Variants in NAIF1 observed in about 807,000 individuals in gnomAD.
NAIF1 encodes the protein nuclear apoptosis inducing factor 1.
In NAIF1, 14 loss-of-function variants were observed where a neutral mutation model predicts 20.7. That is an observed-to-expected ratio of 0.67 (90% CI 0.45 to 1.05). The LOEUF is 1.05. Ranked by LOEUF, NAIF1 falls within the 50% of genes least tolerant of loss-of-function variation. The pLI, the probability that NAIF1 is intolerant of heterozygous loss-of-function variation, is 0.00. For missense variants in NAIF1, 362 were observed against 448.8 expected (o/e 0.81, Z 1.75); for synonymous variants, 191 against 191.4 (o/e 1.00, Z 0.02).
Position 128,063,596 on chromosome 9 carries a change from G to A in NAIF1, c.816C>T (p.Ala272=). ...CAGCCTGTGTGCCCTCCATGGCCTG[G>A]GCCTGGCGCTCCTGGGCACAGGCCT... ...EVQACAQERQ[A]QAMEGTQAAL... The change falls in exon 2 of 2, where the codon GCC becomes GCT. Residue 272 remains alanine, a synonymous_variant. Transcript: ENST00000373078. The surrounding 1 kb of genome is among the most constrained non-coding windows in gnomAD (Gnocchi z 4.3). 6.2e-7 allele frequency: 1 copy of A among 1,613,138 alleles called. No individual in the cohort carries two copies. Among genetic ancestry groups the A allele is most frequent in the Non-Finnish European group, 8.5e-7 (1 of 1,180,040 alleles).
Position 128,063,678 on chromosome 9 carries a change from T to A in NAIF1, c.734A>T (p.Gln245Leu), listed in dbSNP as rs1564171892. 1 of 1,614,244 alleles carries A rather than the reference T, an allele frequency of 6.2e-7. No individual in the cohort carries two copies. Among genetic ancestry groups the A allele is most frequent in the Admixed American group, 1.7e-5 (1 of 60,030 alleles). The change falls in exon 2 of 2, where the codon CAG becomes CTG. Residue 245 changes from glutamine to leucine, a missense_variant. Coordinates refer to ENST00000373078, the MANE Select transcript of NAIF1 (RefSeq NM_197956.4). This position sits in a 1 kb window ranked among gnomAD's most constrained non-coding sequence, Gnocchi z 4.3. Reference protein sequence around the residue: ...VTNLHVKEIAQHLEQQNDLLQ... With the variant: ...VTNLHVKEIALHLEQQNDLLQ... ...TAGGTCGTTCTGCTGTTCCAGGTGC[T>A]GTGCGATCTCCTTCACATGCAGGTT...
At position 128,063,241 on chromosome 9, in the gene NAIF1, G is replaced by A; in HGVS notation, c.*187C>T. 1 of 607,476 alleles carries A rather than the reference G, an allele frequency of 1.6e-6. No individual in the cohort carries two copies. The highest frequency in any genetic ancestry group is 2.9e-6 in the Non-Finnish European group (1 of 345,492). The allele number at this position is 607,476 out of a possible 1,614,324, so 37.6% of individuals were successfully genotyped here. A position where few individuals can be genotyped will look rare whatever the true frequency, so the allele number is the denominator to read the frequency against. ...CTTAGCAAGGCAGCTCAAGTAGGGG[G>A]AGTATGAGTTTGGGTCCCAGGAGCC... On this transcript the variant is annotated 3_prime_UTR_variant, in exon 2 of 2. Coordinates refer to ENST00000373078, the MANE Select transcript of NAIF1 (RefSeq NM_197956.4). The surrounding 1 kb of genome is among the most constrained non-coding windows in gnomAD (Gnocchi z 4.3).
rs904708530 is a variant in NAIF1, at chr9:128,063,307, G to A, written c.*121C>T. On this transcript the variant is annotated 3_prime_UTR_variant, in exon 2 of 2. Transcript: ENST00000373078. This position sits in a 1 kb window ranked among gnomAD's most constrained non-coding sequence, Gnocchi z 4.3. ...CTCAAAAACAGTGCAACCCCTAAGC[G>A]TTTATTAAAGAGGGAGCTGTGCACG... 3.9e-5 allele frequency: 35 copies of A among 892,382 alleles called. No homozygotes were observed. The highest frequency in any genetic ancestry group is 6.6e-5 in the South Asian group (4 of 61,034). 55.3% of individuals were successfully genotyped at this position (892,382 alleles called of 1,614,324 possible).
At position 128,067,148 on chromosome 9, in the gene NAIF1, C is replaced by G. The variant is rs780016951; in HGVS notation, c.-47G>C. 1 of 1,531,948 alleles carries G rather than the reference C, an allele frequency of 6.5e-7. No individual in the cohort carries two copies. Among genetic ancestry groups the G allele is most frequent in the Non-Finnish European group, 8.8e-7 (1 of 1,139,100 alleles). 94.9% of individuals were successfully genotyped at this position (1,531,948 alleles called of 1,614,324 possible). Reference sequence around the variant, plus strand: ...TTAAAGAAATTATAATCCCCTCAAGCGCCCCAATTCCCCTTCTCTTCTTCC... The same window carrying G: ...TTAAAGAAATTATAATCCCCTCAAGGGCCCCAATTCCCCTTCTCTTCTTCC... On this transcript the variant is annotated 5_prime_UTR_variant, in exon 1 of 2. Coordinates refer to ENST00000373078, the MANE Select transcript of NAIF1 (RefSeq NM_197956.4).
Position 128,061,368 on chromosome 9 carries a change from A to G in NAIF1, c.*2060T>C, listed in dbSNP as rs2130770406. On this transcript the variant is annotated 3_prime_UTR_variant, in exon 2 of 2. Transcript: ENST00000373078. The stretch of plus-strand genomic sequence containing the variant: ...TTGGCTCAGATTTCCAACCCCAGAA[A>G]AAAACCAAACCAAGTCCTCAGGAAG... 1 of 152,342 alleles carries G rather than the reference A, an allele frequency of 6.6e-6. No individual in the cohort carries two copies. The allele number at this position is 152,342 out of a possible 1,614,324, so 9.4% of individuals were successfully genotyped here.
intron 1 of NAIF1, among the ~76,000 whole-genome samples, chr9:128,064,317 C>T (rs1019734560): frequency 6.6e-6 from 1 of 151,714 alleles, no homozygotes; most frequent in South Asian, 2.1e-4. Flanking sequence ...ACCTCGTGAT[C>T]CGCCCGCCTC....
At position 128,064,638 on chromosome 9, in the gene NAIF1, C is replaced by G. The variant is rs187710349; in HGVS notation, c.512-738G>C. On this transcript the variant is annotated intron_variant, in intron 1 of 1. Transcript: ENST00000373078. The stretch of plus-strand genomic sequence containing the variant: ...GAGCTCATTCAGCAGAGCCAAGAGG[C>G]AAACCCAGGTCTCCCCAACAGCAGA... Among the ~76,000 whole-genome samples the G allele has an allele frequency of 6.6e-5, 10 of 152,212 alleles. No individual in the cohort carries two copies. The East Asian group carries it at 1.9e-3, about 29-fold the overall frequency.
intron 1 of NAIF1, among the ~76,000 whole-genome samples, chr9:128,064,158 C>T (rs1020778966): frequency 1.4e-5 from 2 of 147,032 alleles, no homozygotes; most frequent in African/African-American, 5.1e-5. Flanking sequence ...GCGCGATCTC[C>T]GCTCACTGCA....
At chr9:128,065,496 A>G (rs1364771037) in intron 1 of NAIF1, among the ~76,000 whole-genome samples, 1 of 152,144 alleles carries the variant, frequency 6.6e-6, no homozygotes, top group Non-Finnish European at 1.5e-5. Flanking sequence ...GCAGTAGCTA[A>G]AGTACCCAGT....
In NAIF1 at chr9:128,062,224, T is replaced by A. The variant is rs907760705; in HGVS notation, c.*1204A>T. The A allele has an allele frequency of 1.3e-5, 2 of 152,236 alleles. No homozygotes were observed. The highest frequency in any genetic ancestry group is 2.9e-5 in the Non-Finnish European group (2 of 68,096). The allele number at this position is 152,236 out of a possible 1,614,324, so 9.4% of individuals were successfully genotyped here. A position where few individuals can be genotyped will look rare whatever the true frequency, so the allele number is the denominator to read the frequency against. On this transcript the variant is annotated 3_prime_UTR_variant, in exon 2 of 2. Transcript: ENST00000373078. ...CCAGGATGGTCTTGATCTCTTGACC[T>A]CGTGATCCACCCGCCTCGGCCTCCC...
Position 128,062,906 on chromosome 9 carries a change from C to A in NAIF1, c.*522G>T. ...GGAGAGCACAACAGTCATTGGAGTC[C>A]CCTGAGAACTGAGGCACAGTGAGGA... On this transcript the variant is annotated 3_prime_UTR_variant, in exon 2 of 2. Transcript: ENST00000373078. 5.9e-6 allele frequency: 1 copy of A among 170,480 alleles called. No individual in the cohort carries two copies. Among genetic ancestry groups the A allele is most frequent in the Admixed American group, 5.4e-5 (1 of 18,480 alleles). The allele number at this position is 170,480 out of a possible 1,614,324, so 10.6% of individuals were successfully genotyped here. A position where few individuals can be genotyped will look rare whatever the true frequency, so the allele number is the denominator to read the frequency against.
In NAIF1 at chr9:128,062,315, C is replaced by T. The variant is rs1970529; in HGVS notation, c.*1113G>A. ...AGGGTCCCACTTCTTAGGTCAGCTT[C>T]GCCTTTTCCTCCTCCTACGTTCAGG... On this transcript the variant is annotated 3_prime_UTR_variant, in exon 2 of 2. Coordinates refer to ENST00000373078, the MANE Select transcript of NAIF1 (RefSeq NM_197956.4). 152,181 of 152,504 alleles carry T rather than the reference C, an allele frequency of 1. 75,931 individuals are homozygous for T. Among genetic ancestry groups the T allele is most frequent in the Middle Eastern group, 1 (298 of 298 alleles). The allele number at this position is 152,504 out of a possible 1,614,324, so 9.4% of individuals were successfully genotyped here.
At position 128,067,117 on chromosome 9, in the gene NAIF1, C is replaced by G; in HGVS notation, c.-16G>C. ...GGACGGCCATGGCCTCTCCCCTCCCCTCTTTTTAAAGAAATTATAATCCCC... is the reference window on the plus strand; with the variant it reads ...GGACGGCCATGGCCTCTCCCCTCCCGTCTTTTTAAAGAAATTATAATCCCC... On this transcript the variant is annotated 5_prime_UTR_variant, in exon 1 of 2. Transcript: ENST00000373078. The G allele has an allele frequency of 1.3e-6, 2 of 1,566,578 alleles. No individual in the cohort carries two copies. The highest frequency in any genetic ancestry group is 2.3e-5 in the South Asian group (2 of 86,018).
Position 128,062,841 on chromosome 9 carries a change from A to G in NAIF1, c.*587T>C, listed in dbSNP as rs1192892338. On this transcript the variant is annotated 3_prime_UTR_variant, in exon 2 of 2. Coordinates refer to ENST00000373078, the MANE Select transcript of NAIF1 (RefSeq NM_197956.4). ...TATTACGGAGGCGTCCCAGCACACT[A>G]CCTAACAAGGGCCTGCGCTGTGCCT... is the stretch of plus-strand genomic sequence containing the variant. The G allele has an allele frequency of 6.2e-6, 1 of 160,284 alleles. No individual in the cohort carries two copies. The highest frequency in any genetic ancestry group is 1.4e-5 in the Non-Finnish European group (1 of 71,998). The allele number at this position is 160,284 out of a possible 1,614,324, so 9.9% of individuals were successfully genotyped here. A position where few individuals can be genotyped will look rare whatever the true frequency, so the allele number is the denominator to read the frequency against.
intron 1 of NAIF1, among the ~76,000 whole-genome samples, chr9:128,064,174 C>T (rs1441707460): frequency 2.7e-5 from 4 of 149,440 alleles, no homozygotes; most frequent in East Asian, 3.9e-4. Context: ...CTGCAAGCTC[C>T]GCCTTCCGGG....
chr9:128,063,764 T>C lies in NAIF1; in HGVS notation c.648A>G (p.Gln216=), dbSNP rs182653542. 1.4e-5 allele frequency: 22 copies of C among 1,614,152 alleles called. No homozygotes were observed. Among genetic ancestry groups the C allele is most frequent in the Non-Finnish European group, 1.9e-5 (22 of 1,180,044 alleles). The change falls in exon 2 of 2, where the codon CAA becomes CAG. Residue 216 remains glutamine (Q), a synonymous_variant. Transcript: ENST00000373078. This position sits in a 1 kb window ranked among gnomAD's most constrained non-coding sequence, Gnocchi z 4.3. ...TGAGAGCAATGCGGCTCTTGAGCGC[T>C]TGCGGCTTGACCGACGTGTCTGCAT... is the stretch of plus-strand genomic sequence containing the variant. ...AQHADTSVKP[Q]ALKSRIALNS...
rs1307373407 is a variant in NAIF1 at position 128,063,148 on chromosome 9, C to A, written c.*280G>T. ...GACCAAGGCTGGGTCATGTCACAAGCCCGGGGTCATGACAACACATGTCCC... is the reference window on the plus strand; with the variant it reads ...GACCAAGGCTGGGTCATGTCACAAGACCGGGGTCATGACAACACATGTCCC... On this transcript the variant is annotated 3_prime_UTR_variant, in exon 2 of 2. Transcript: ENST00000373078. The surrounding 1 kb of genome is among the most constrained non-coding windows in gnomAD (Gnocchi z 4.3). The A allele has an allele frequency of 1.1e-5, 5 of 464,358 alleles. No homozygotes were observed. Among genetic ancestry groups the A allele is most frequent in the African/African-American group, 2.0e-5 (1 of 51,196 alleles). 28.8% of individuals were successfully genotyped at this position (464,358 alleles called of 1,614,324 possible). A position where few individuals can be genotyped will look rare whatever the true frequency, so the allele number is the denominator to read the frequency against.
intron 1 of NAIF1, among the ~76,000 whole-genome samples, chr9:128,065,972 CTA>C (rs1321290562): frequency 9.9e-5 from 15 of 152,242 alleles, no homozygotes; most frequent in African/African-American, 3.4e-4. Flanking sequence ...GAAGCTATTC[CTA>C]TATGTGTCAT....
At chr9:128,064,138 G>A (rs1291984643) in intron 1 of NAIF1, among the ~76,000 whole-genome samples, 3 of 145,978 alleles carry the variant, frequency 2.1e-5, no homozygotes, top group Non-Finnish European at 3.0e-5. Context: ...GCCCAGGCGG[G>A]AGTGCTGTGG....
Sources: gnomAD v4.1 joint callset for allele counts (sites outside exome capture counted in the v4.1 genomes callset) on GRCh38, gnomAD v4.1.1 for gene constraint, Gnocchi (gnomAD v3.1) non-coding constraint, MANE v1.5 for transcripts, NCBI Gene and HGNC (gene_info 2026-07-23, HGNC 2026-07-21) for gene names.